Variants in CAMTA1 observed in about 807,000 individuals in gnomAD.
CAMTA1 encodes calmodulin binding transcription activator 1.
A neutral mutation model predicts 170.9 loss-of-function variants in CAMTA1; 27 were observed. The ratio of observed to expected loss-of-function variants is 0.16; its 90% CI spans 0.12 to 0.22. The LOEUF (loss-of-function observed/expected upper bound fraction) is 0.22, where lower values mean the gene tolerates loss of function less well. CAMTA1 is among the 10% of genes least tolerant of loss of function. CAMTA1 has a pLI of 1.00. For missense variants in CAMTA1, 1,619 were observed against 2,217.2 expected (o/e 0.73, Z 5.42); for synonymous variants, 833 against 891.5 (o/e 0.93, Z 1.17).
chr1:7,209,521 C>T (rs942678844), intron 4 of CAMTA1, among the ~76,000 whole-genome samples: 14 of 152,172 alleles, frequency 9.2e-5, no homozygotes, highest in South Asian at 4.1e-4. Context: ...GCTGTCAGGT[C>T]TGTTTCTTGG....
In CAMTA1 at chr1:7,249,545, A is replaced by G; in HGVS notation, c.357A>G (p.Lys119=). ...LYNRKKVKYR[K]DGYCWKKRKD... ...ACAGGAAGAAAGTGAAATACAGGAA[A>G]GATGGGTATTGCTGGAAAAAGAGGA... The change falls in exon 5 of 23, where the codon AAA becomes AAG. Residue 119 remains lysine (K), a synonymous_variant. Coordinates refer to ENST00000303635, the MANE Select transcript of CAMTA1 (RefSeq NM_015215.4). The surrounding 1 kb of genome is among the most constrained non-coding windows in gnomAD (Gnocchi z 4.4). 2.5e-6 allele frequency: 4 copies of G among 1,614,126 alleles called. No homozygotes were observed. The highest frequency in any genetic ancestry group is 3.4e-6 in the Non-Finnish European group (4 of 1,179,962).
chr1:7,581,011 C>A (rs886934420), intron 6 of CAMTA1, among the ~76,000 whole-genome samples: 4 of 152,240 alleles, frequency 2.6e-5, no homozygotes, highest in Non-Finnish European at 4.4e-5. Flanking sequence ...AAAGTGCCAC[C>A]ACACATACGT....
intron 5 of CAMTA1, among the ~76,000 whole-genome samples, chr1:7,272,712 A>AAAAAAAAAAAAAAAAAAAAG (rs1670017608): frequency 2.8e-4 from 31 of 109,922 alleles, no homozygotes; most frequent in Non-Finnish European, 4.5e-4. Context: ...AAAAAAAAAA[A>AAAAAAAAAAAAAAAAAAAAG]AAAAGAAAAG....
chr1:7,604,270 C>CAG (rs1557989828), intron 6 of CAMTA1, among the ~76,000 whole-genome samples: 1 of 152,086 alleles, frequency 6.6e-6, no homozygotes, highest in Non-Finnish European at 1.5e-5. Flanking sequence ...TAATATCCTG[C>CAG]AGTGTTTTCC....
At position 7,193,008 on chromosome 1, in the gene CAMTA1, C is replaced by T. The variant is rs147338508; in HGVS notation, c.303-56483C>T. On this transcript the variant is annotated intron_variant, in intron 4 of 22. Transcript: ENST00000303635. ...GCTCATCCCAGGTGCCTAAACCCCA[C>T]ATGCATCAAAACTTAGAGGAGACCA... Among the ~76,000 whole-genome samples, 850 of 152,244 alleles carry T rather than the reference C, an allele frequency of 5.6e-3. 4 individuals carry two copies. The highest frequency in any genetic ancestry group is 0.01 in the Middle Eastern group (3 of 294).
At chr1:7,030,819 A>G (rs563176806) in intron 3 of CAMTA1, among the ~76,000 whole-genome samples, 3 of 150,878 alleles carry the variant, frequency 2.0e-5, no homozygotes, top group Admixed American at 1.3e-4. Flanking sequence ...GGTGTTGTTC[A>G]AGTCTTCTAC....
chr1:7,226,901 C>G (rs113733712), intron 4 of CAMTA1, among the ~76,000 whole-genome samples: 134 of 152,004 alleles, frequency 8.8e-4, no homozygotes, highest in Middle Eastern at 3.4e-3. Flanking sequence ...GGCACGGTCT[C>G]GGCTCACTGC....
chr1:7,090,547 C>T (rs1230865416), intron 3 of CAMTA1, among the ~76,000 whole-genome samples: 1 of 152,188 alleles, frequency 6.6e-6, no homozygotes, highest in Non-Finnish European at 1.5e-5. Flanking sequence ...CATATCATGC[C>T]TCGAGCTGGA....
chr1:7,420,243 C>T (rs1396001280), intron 5 of CAMTA1, among the ~76,000 whole-genome samples: 1 of 152,112 alleles, frequency 6.6e-6, no homozygotes, highest in African/African-American at 2.4e-5. Flanking sequence ...CTGGCTCCCC[C>T]ACCTCTCCCC....
At chr1:7,254,325 CACAGCACA>C (rs58281068) in intron 5 of CAMTA1, among the ~76,000 whole-genome samples, 7,088 of 152,162 alleles carry the variant, frequency 0.047, 571 homozygotes, top group African/African-American at 0.16. Flanking sequence ...AGTGGGTGGT[CACAGCACA>C]GAGGCTGTTG....
At chr1:6,963,072 CCT>C (rs1690790748) in intron 3 of CAMTA1, among the ~76,000 whole-genome samples, 1 of 151,734 alleles carries the variant, frequency 6.6e-6, no homozygotes, top group Admixed American at 6.6e-5. Context: ...TGGACCAACC[CCT>C]CTGTCCATTA....
chr1:7,335,869 A>C (rs1043224009), intron 5 of CAMTA1, among the ~76,000 whole-genome samples: 2 of 152,110 alleles, frequency 1.3e-5, no homozygotes, highest in South Asian at 2.1e-4. Context: ...TGGTTAAATA[A>C]GATTAATCTA....
intron 6 of CAMTA1, among the ~76,000 whole-genome samples, chr1:7,554,223 T>C (rs76343689): frequency 0.014 from 2,147 of 152,288 alleles, 24 homozygotes; most frequent in Non-Finnish European, 0.021. Flanking sequence ...TCAAGCTCCC[T>C]TGCTGGCCCA....
chr1:7,108,860 T>C (rs565616554), intron 4 of CAMTA1, among the ~76,000 whole-genome samples: 1 of 152,202 alleles, frequency 6.6e-6, no homozygotes, highest in Non-Finnish European at 1.5e-5. Flanking sequence ...CTTAGCCAGG[T>C]CTCAAGGTTT....
intron 11 of CAMTA1, among the ~76,000 whole-genome samples, chr1:7,725,513 G>T (rs1320724263): frequency 6.6e-6 from 1 of 152,228 alleles, no homozygotes; most frequent in African/African-American, 2.4e-5. Context: ...CTCTGGCATG[G>T]TTCACATGAG....
chr1:7,664,205 C>A lies in CAMTA1; in HGVS notation c.1658C>A (p.Ala553Glu). ...AAAGAAGCGTACTCCTCCTCCGCGG[C>A]GGCTGTGGCAGCCAGCTCCCTCACC... ...MAKEAYSSSA[A>E]AVAASSLTLT... The change falls in exon 9 of 23, where the codon GCG (alanine) becomes GAG (glutamate). Residue 553 changes from alanine (A) to glutamate (E), a missense_variant. Ala to Glu is a moderately radical substitution (Grantham distance 107). Around this residue, in one of 8 missense-constraint regions of CAMTA1, gnomAD observed 731 missense variants for 907.6 expected, o/e 0.81. Transcript: ENST00000303635. The A allele has an allele frequency of 1.9e-6, 3 of 1,612,698 alleles. No homozygotes were observed. The highest frequency in any genetic ancestry group is 2.5e-6 in the Non-Finnish European group (3 of 1,180,034).
At chr1:7,262,808 C>A (rs1191611162) in intron 5 of CAMTA1, among the ~76,000 whole-genome samples, 4 of 152,184 alleles carry the variant, frequency 2.6e-5, no homozygotes, top group Non-Finnish European at 5.9e-5. Context: ...TCCTGAATGA[C>A]TGAATGCACG....
intron 11 of CAMTA1, among the ~76,000 whole-genome samples, chr1:7,687,471 C>T (rs532848756): frequency 5.9e-5 from 9 of 152,168 alleles, no homozygotes; most frequent in South Asian, 4.1e-4. Flanking sequence ...CCAGGTGACA[C>T]GGCACCATAC....
chr1:7,714,192 C>A (rs1577122641), intron 11 of CAMTA1, among the ~76,000 whole-genome samples: 1 of 152,134 alleles, frequency 6.6e-6, no homozygotes, highest in South Asian at 2.1e-4. Context: ...AGTGAAGGCC[C>A]ACTGACCTGC....
Sources: allele counts gnomAD v4.1 joint callset (sites outside exome capture counted in the v4.1 genomes callset), GRCh38; gene constraint gnomAD v4.1.1; regional missense constraint gnomAD v4.1.1; non-coding constraint Gnocchi (gnomAD v3.1); transcripts MANE v1.5; gene names NCBI Gene and HGNC (gene_info 2026-07-23, HGNC 2026-07-21).